The following ADAMTS2 variants were observed in gnomAD, a reference collection of about 807,000 sequenced individuals.
ADAMTS2 encodes A disintegrin and metalloproteinase with thrombospondin motifs 2.
ADAMTS2 carries 50 observed loss-of-function variants against 123.0 expected under a neutral mutation model. The observed-to-expected ratio is 0.41, with a 90% CI of 0.32 to 0.51. ADAMTS2 has a LOEUF of 0.51. Ranked by LOEUF, ADAMTS2 falls within the 20% of genes least tolerant of loss-of-function variation. The pLI is 0.35. For synonymous variants in ADAMTS2, 678 were observed against 695.4 expected (o/e 0.98, Z 0.39); for missense variants, 1,494 against 1,705.2 (o/e 0.88, Z 2.18).
chr5:179,343,979 G>A lies in ADAMTS2; in HGVS notation c.322C>T (p.His108Tyr). ...AAGACCGTGACATTGTAGAAGAGGT[G>A]ACTGCCAGGCTCCTCCTCGTTGCCT... ...PGGNEEEPGSHLFYNVTVFGR... is the reference protein window; with the variant it reads ...PGGNEEEPGSYLFYNVTVFGR... The change falls in exon 2 of 22, where the codon CAC becomes TAC. Residue 108 changes from histidine (H) to tyrosine (Y), a missense_variant. By Grantham distance (83) the His-to-Tyr change is moderately conservative. Transcript: ENST00000251582. 1 of 1,612,734 alleles carries A rather than the reference G, an allele frequency of 6.2e-7. No individual in the cohort carries two copies. The highest frequency in any genetic ancestry group is 8.5e-7 in the Non-Finnish European group (1 of 1,179,886).
In ADAMTS2 at chr5:179,140,035, G is replaced by A. The variant is rs1763135997; in HGVS notation, c.1630C>T (p.His544Tyr). ...LDGTMCAPGK[H>Y]CFKGHCIWLT... is the part of the protein sequence containing the mutation. ...CAGATGCAGTGTCCTTTAAAACAAT[G>A]CTGAAAGACAGGAAGCCAGTCCCTC... Residue 544 changes from histidine (H) to tyrosine (Y), a missense_variant and splice_region_variant, in exon 11 of 22, where the codon CAT (histidine) becomes TAT (tyrosine). His to Tyr is a moderately conservative substitution (Grantham distance 83). Coordinates refer to ENST00000251582, the MANE Select transcript of ADAMTS2 (RefSeq NM_014244.5). The A allele has an allele frequency of 6.2e-7, 1 of 1,613,970 alleles. No individual in the cohort carries two copies. Among genetic ancestry groups the A allele is most frequent in the Non-Finnish European group, 8.5e-7 (1 of 1,179,932 alleles).
chr5:179,310,557 C>A (rs1194379482), intron 2 of ADAMTS2, among the ~76,000 whole-genome samples: 7 of 152,240 alleles, frequency 4.6e-5, no homozygotes, highest in Middle Eastern at 3.4e-3. Flanking sequence ...TGCTAGAATC[C>A]CGGCTGGGGT....
At position 179,130,820 on chromosome 5, in the gene ADAMTS2, A is replaced by T. The variant is rs546246323; in HGVS notation, c.2291-722T>A. 6.6e-6 allele frequency among the ~76,000 whole-genome samples: 1 copy of T among 152,094 alleles called. No homozygotes were observed. The highest frequency in any genetic ancestry group is 1.5e-5 in the Non-Finnish European group (1 of 68,036). On this transcript the variant is annotated intron_variant, in intron 15 of 21. Transcript: ENST00000251582. The surrounding 1 kb of genome is among the most constrained non-coding windows in gnomAD (Gnocchi z 4.3). Reference sequence around the variant, plus strand: ...TGTAATTCTGTCCACTCACAAACAAAGCCTCTGCTTGGTGCCACACGTCCC... The same window carrying T: ...TGTAATTCTGTCCACTCACAAACAATGCCTCTGCTTGGTGCCACACGTCCC...
intron 3 of ADAMTS2, among the ~76,000 whole-genome samples, chr5:179,212,890 C>T (rs1015231729): frequency 1.3e-5 from 2 of 152,056 alleles, no homozygotes; most frequent in African/African-American, 2.4e-5. Context: ...AGTCCTATGC[C>T]TTTTCTGGGC....
intron 13 of ADAMTS2, 151 bp from the exon 14 acceptor site, chr5:179,133,051 G>A: frequency 9.4e-7 from 1 of 1,061,056 alleles, no homozygotes; most frequent in South Asian, 1.4e-5. Flanking sequence ...GAACCACCTT[G>A]CCTGGCCTCA....
chr5:179,313,210 G>GCA (rs1405920204), intron 2 of ADAMTS2, among the ~76,000 whole-genome samples: 11 of 150,900 alleles, frequency 7.3e-5, no homozygotes, highest in African/African-American at 2.2e-4. Flanking sequence ...TCACACTCAT[G>GCA]CACACACACA....
intron 4 of ADAMTS2, among the ~76,000 whole-genome samples, chr5:179,205,959 G>A (rs1764680087): frequency 6.6e-6 from 1 of 151,916 alleles, no homozygotes; most frequent in Non-Finnish European, 1.5e-5. Flanking sequence ...TTTTAGTAGA[G>A]ACGGGGTTTC....
At position 179,114,288 on chromosome 5, in the gene ADAMTS2, C is replaced by T. The variant is rs753308886; in HGVS notation, c.3215G>A (p.Arg1072Lys). Residue 1072 changes from arginine to lysine, a missense_variant, in exon 22 of 22, where the codon AGG becomes AAG. Arg to Lys is a conservative substitution (Grantham distance 26, BLOSUM62 2). Transcript: ENST00000251582. The part of the protein sequence containing the change: ...HCQGDKSIFC[R>K]MEVLSRYCSI... ...GCAATAGCGGGACAAGACTTCCATC[C>T]TACAGAATATTGACTTGTCGCCTTG... 2 of 1,613,988 alleles carry T rather than the reference C, an allele frequency of 1.2e-6. No homozygotes were observed. The highest frequency in any genetic ancestry group is 3.3e-5 in the Admixed American group (2 of 59,986).
rs1764038362 is a variant in ADAMTS2 at position 179,181,116 on chromosome 5, T to C, written c.931A>G (p.Ile311Val). 1 of 1,613,850 alleles carries C rather than the reference T, an allele frequency of 6.2e-7. No homozygotes were observed. Among genetic ancestry groups the C allele is most frequent in the Non-Finnish European group, 8.5e-7 (1 of 1,179,994 alleles). Residue 311 changes from isoleucine to valine, a missense_variant, in exon 5 of 22, where the codon ATC (isoleucine) becomes GTC (valine). By Grantham distance (29) the Ile-to-Val change is conservative. Transcript: ENST00000251582. The surrounding 1 kb of genome is among the most constrained non-coding windows in gnomAD (Gnocchi z 4.1). Reference protein sequence around the residue: ...IYHDESLGAHINVVLVRIILL... With the variant: ...IYHDESLGAHVNVVLVRIILL... Reference sequence around the variant, plus strand: ...ATGATCCGCACCAGGACCACGTTGATGTGGGCACCCAAGGACTCGTCATGG... The same window carrying C: ...ATGATCCGCACCAGGACCACGTTGACGTGGGCACCCAAGGACTCGTCATGG...
At chr5:179,156,360 T>TC (rs57393224) in intron 6 of ADAMTS2, among the ~76,000 whole-genome samples, 1 of 88,760 alleles carries the variant, frequency 1.1e-5, no homozygotes, top group African/African-American at 7.2e-5. Context: ...CAGCTTTCGA[T>TC]TTTTTTTTTT....
intron 2 of ADAMTS2, among the ~76,000 whole-genome samples, chr5:179,275,793 C>T (rs78767149): frequency 0.021 from 3,183 of 152,334 alleles, 52 homozygotes; most frequent in Middle Eastern, 0.061. Context: ...GGCCTCAGAA[C>T]TGTGAGAGAA....
chr5:179,192,793 C>T (rs1207643071), intron 4 of ADAMTS2, among the ~76,000 whole-genome samples: 1 of 152,198 alleles, frequency 6.6e-6, no homozygotes, highest in Non-Finnish European at 1.5e-5. Context: ...CTGTCCCATC[C>T]TGGTAACTTC....
Position 179,117,387 on chromosome 5 carries a change from C to A in ADAMTS2, c.3179-3063G>T, listed in dbSNP as rs1762674153. ...ATAAGGCTGGTGTTACACATTTATC[C>A]ACATCTCCACTCCCTCACTGTCTCC... is the stretch of plus-strand genomic sequence containing the variant. On this transcript the variant is annotated intron_variant, in intron 21 of 21. Coordinates refer to ENST00000251582, the MANE Select transcript of ADAMTS2 (RefSeq NM_014244.5). The surrounding 1 kb of genome is among the most constrained non-coding windows in gnomAD (Gnocchi z 4.2). 6.6e-6 allele frequency among the ~76,000 whole-genome samples: 1 copy of A among 152,134 alleles called. No homozygotes were observed. The highest frequency in any genetic ancestry group is 1.5e-5 in the Non-Finnish European group (1 of 68,032).
At chr5:179,164,505 A>G (rs1413083393) in intron 5 of ADAMTS2, among the ~76,000 whole-genome samples, 6 of 152,154 alleles carry the variant, frequency 3.9e-5, no homozygotes, top group African/African-American at 1.4e-4. Context: ...AGACGGCACC[A>G]GTGTCTGGCT....
rs1478025645 is a variant in ADAMTS2, at chr5:179,317,910, G to A, written c.534+25857C>T. On this transcript the variant is annotated intron_variant, in intron 2 of 21. Coordinates refer to ENST00000251582, the MANE Select transcript of ADAMTS2 (RefSeq NM_014244.5). This position sits in a 1 kb window ranked among gnomAD's most constrained non-coding sequence, Gnocchi z 4.9. ...GGGAAAGGTTCTGGAAACCCAGACT[G>A]AAGGTTCCCTGGGGTCCCTGGGGCT... is the stretch of plus-strand genomic sequence containing the variant. 2.6e-5 allele frequency among the ~76,000 whole-genome samples: 4 copies of A among 152,188 alleles called. No homozygotes were observed. Among genetic ancestry groups the A allele is most frequent in the Non-Finnish European group, 5.9e-5 (4 of 68,026 alleles).
chr5:179,160,439 AG>A (rs1763572411), intron 5 of ADAMTS2, among the ~76,000 whole-genome samples: 2 of 152,338 alleles, frequency 1.3e-5, no homozygotes, highest in East Asian at 1.9e-4. Context: ...CGACAGAGTG[AG>A]ACTCCGTCTC....
chr5:179,302,273 A>C (rs528695660), intron 2 of ADAMTS2, among the ~76,000 whole-genome samples: 18 of 151,386 alleles, frequency 1.2e-4, no homozygotes, highest in Non-Finnish European at 2.4e-4. Flanking sequence ...CATCCTGGCT[A>C]ACACAGTGAA....
intron 5 of ADAMTS2, among the ~76,000 whole-genome samples, chr5:179,168,314 C>T (rs1443904521): frequency 3.3e-5 from 5 of 152,274 alleles, no homozygotes; most frequent in African/African-American, 9.6e-5. Context: ...AGCAACTGAC[C>T]CTCAGGGGAC....
intron 5 of ADAMTS2, among the ~76,000 whole-genome samples, chr5:179,179,143 C>T (rs112324039): frequency 0.13 from 19,522 of 146,044 alleles, 1,344 homozygotes; most frequent in African/African-American, 0.14. Flanking sequence ...GACAGGGTTT[C>T]ACCACGTTAG....
Sources: allele counts gnomAD v4.1 joint callset (sites outside exome capture counted in the v4.1 genomes callset), GRCh38; gene constraint gnomAD v4.1.1; non-coding constraint Gnocchi (gnomAD v3.1); transcripts MANE v1.5; gene names NCBI Gene and HGNC (gene_info 2026-07-23, HGNC 2026-07-21).